The following SPMIP2 variants were observed in gnomAD, a reference collection of about 807,000 sequenced individuals.
The protein encoded by SPMIP2 is sperm microtubule inner protein 2.
the SPMIP2 span, among the ~76,000 whole-genome samples, chr4:158,926,331 C>T: frequency 6.6e-6 from 1 of 151,812 alleles, no homozygotes; most frequent in African/African-American, 2.4e-5. Flanking sequence ...GATAGCTATA[C>T]ATTTCTCTCT....
the SPMIP2 span, among the ~76,000 whole-genome samples, chr4:159,060,278 G>T: frequency 5.5e-4 from 83 of 152,276 alleles, no homozygotes; most frequent in South Asian, 1.0e-3. Flanking sequence ...GAGGCCTAGT[G>T]GGGAGGGGAG....
the SPMIP2 span, among the ~76,000 whole-genome samples, chr4:158,975,742 G>C: frequency 6.6e-6 from 1 of 152,150 alleles, no homozygotes; most frequent in East Asian, 1.9e-4. Context: ...AATGTCTCCA[G>C]CTTTGTTCTT....
At chr4:158,968,602 G>A in the SPMIP2 span, among the ~76,000 whole-genome samples, 1 of 152,152 alleles carries the variant, frequency 6.6e-6, no homozygotes, top group African/African-American at 2.4e-5. Context: ...ATTTCACACG[G>A]CCTGGGATGA....
the SPMIP2 span, among the ~76,000 whole-genome samples, chr4:158,976,691 A>C: frequency 8.6e-6 from 1 of 115,682 alleles, no homozygotes; most frequent in African/African-American, 3.7e-5. Flanking sequence ...TTTGAGACAG[A>C]GTCTCGCTCT....
chr4:159,052,962 T>TA, the SPMIP2 span, among the ~76,000 whole-genome samples: 6 of 141,282 alleles, frequency 4.2e-5, no homozygotes, highest in Non-Finnish European at 7.6e-5. Context: ...ATTATTTTTT[T>TA]TTTTTTTTTT....
chr4:158,938,051 T>G, the SPMIP2 span, among the ~76,000 whole-genome samples: 1 of 152,258 alleles, frequency 6.6e-6, no homozygotes, highest in African/African-American at 2.4e-5. Context: ...TGCGTATCTA[T>G]GGACAAAACT....
At chr4:159,012,276 A>C in the SPMIP2 span, among the ~76,000 whole-genome samples, 10 of 152,152 alleles carry the variant, frequency 6.6e-5, no homozygotes, top group Admixed American at 6.6e-4. Context: ...CTTAGCACAG[A>C]GTATTGGCAC....
At chr4:158,950,771 C>T in the SPMIP2 span, among the ~76,000 whole-genome samples, 1 of 152,138 alleles carries the variant, frequency 6.6e-6, no homozygotes, top group Non-Finnish European at 1.5e-5. Context: ...TGGCAGGTGT[C>T]TGTAATCCCA....
the SPMIP2 span, among the ~76,000 whole-genome samples, chr4:158,985,624 A>G: frequency 2.6e-4 from 39 of 149,542 alleles, no homozygotes; most frequent in South Asian, 8.5e-4. Flanking sequence ...GGTATTGATG[A>G]GACGTATCTC....
chr4:159,050,924 T>C, the SPMIP2 span, among the ~76,000 whole-genome samples: 1,393 of 152,054 alleles, frequency 9.2e-3, 25 homozygotes, highest in African/African-American at 0.032. Flanking sequence ...CTGGCCAACA[T>C]GGTGAAACCC....
chr4:158,900,216 T>G, the SPMIP2 span, among the ~76,000 whole-genome samples: 3 of 152,108 alleles, frequency 2.0e-5, no homozygotes, highest in South Asian at 4.1e-4. Context: ...GAGACTGTTA[T>G]GATTTCCATT....
the SPMIP2 span, among the ~76,000 whole-genome samples, chr4:158,974,458 T>A: frequency 6.6e-4 from 101 of 152,168 alleles, no homozygotes; most frequent in African/African-American, 2.2e-3. Flanking sequence ...TCCATCCCCT[T>A]GCCCCCCACC....
chr4:158,918,962 T>G, the SPMIP2 span, among the ~76,000 whole-genome samples: 4 of 152,320 alleles, frequency 2.6e-5, no homozygotes, highest in East Asian at 7.7e-4. Flanking sequence ...ATTATTACAC[T>G]AAATAGGCCC....
chr4:159,069,979 A>G, the SPMIP2 span, among the ~76,000 whole-genome samples: 53,646 of 151,932 alleles, frequency 0.35, 10,784 homozygotes, highest in East Asian at 0.6. Context: ...TAATATTTTA[A>G]GCACGTTATT....
At chr4:159,059,807 T>A in the SPMIP2 span, among the ~76,000 whole-genome samples, 33 of 152,156 alleles carry the variant, frequency 2.2e-4, no homozygotes, top group Admixed American at 2.2e-3. Flanking sequence ...TCCTAAAAAA[T>A]GAGGCAAAGG....
chr4:158,961,851 T>C, the SPMIP2 span, among the ~76,000 whole-genome samples: 2 of 152,134 alleles, frequency 1.3e-5, no homozygotes, highest in African/African-American at 4.8e-5. Flanking sequence ...ATGTTTACTG[T>C]AGTGTTAAAC....
the SPMIP2 span, among the ~76,000 whole-genome samples, chr4:158,969,356 G>A: frequency 2.0e-5 from 3 of 152,140 alleles, no homozygotes; most frequent in Non-Finnish European, 4.4e-5. Flanking sequence ...TATTCTTGCA[G>A]AAACAACATA....
chr4:158,938,575 C>T, the SPMIP2 span, among the ~76,000 whole-genome samples: 13 of 152,206 alleles, frequency 8.5e-5, no homozygotes, highest in African/African-American at 3.1e-4. Flanking sequence ...TGCCAGATTG[C>T]CTTCCCCAAG....
the SPMIP2 span, among the ~76,000 whole-genome samples, chr4:158,946,721 A>C: frequency 6.6e-6 from 1 of 152,216 alleles, no homozygotes; most frequent in African/African-American, 2.4e-5. Flanking sequence ...TTTACCAAAG[A>C]CTGACAGATA....
Sources: gnomAD v4.1 joint callset for allele counts (sites outside exome capture counted in the v4.1 genomes callset) on GRCh38, gnomAD v4.1.1 for gene constraint, MANE v1.5 for transcripts, NCBI Gene and HGNC (gene_info 2026-07-23, HGNC 2026-07-21) for gene names.